Variants in DOCK2 observed in about 807,000 individuals in gnomAD.
The protein encoded by DOCK2 is dedicator of cytokinesis 2.
In DOCK2, 87 loss-of-function variants were observed where a neutral mutation model predicts 248.9. The observed-to-expected ratio is 0.35, with a 90% confidence interval of 0.29 to 0.42. The LOEUF is 0.42. Among genes scored for constraint, DOCK2 ranks in the 10% least tolerant of loss-of-function variants. The pLI, the probability that DOCK2 is intolerant of heterozygous loss-of-function variation, is 1.00. For missense variants in DOCK2, 1,747 were observed against 2,300.2 expected (o/e 0.76, Z 4.92); for synonymous variants, 805 against 821.6 (o/e 0.98, Z 0.35).
intron 25 of DOCK2, among the ~76,000 whole-genome samples, chr5:169,802,137 T>C (rs1767036326): frequency 6.6e-6 from 1 of 152,114 alleles, no homozygotes; most frequent in Non-Finnish European, 1.5e-5. Flanking sequence ...TCAAGAGACA[T>C]ACCCTTCTCT....
chr5:170,048,733 G>A (rs984320028), intron 40 of DOCK2, among the ~76,000 whole-genome samples: 40 of 152,178 alleles, frequency 2.6e-4, no homozygotes, highest in Non-Finnish European at 7.3e-5. Context: ...AGGGTCTTGG[G>A]AACCTCAAGT....
chr5:169,880,214 G>A (rs1049954704), intron 27 of DOCK2, among the ~76,000 whole-genome samples: 9 of 152,186 alleles, frequency 5.9e-5, no homozygotes, highest in Non-Finnish European at 1.2e-4. Flanking sequence ...CAGTCCTGAC[G>A]CTTCTGTTAT....
At chr5:169,675,118 G>A (rs1214219973) in intron 6 of DOCK2, among the ~76,000 whole-genome samples, 3 of 152,084 alleles carry the variant, frequency 2.0e-5, no homozygotes, top group Non-Finnish European at 4.4e-5. Context: ...ACTTTTTTCC[G>A]ATAAAGAAAC....
intron 27 of DOCK2, among the ~76,000 whole-genome samples, chr5:169,938,462 T>C (rs766821485): frequency 3.9e-5 from 6 of 152,202 alleles, no homozygotes; most frequent in Non-Finnish European, 7.3e-5. Flanking sequence ...AGCATGTTAC[T>C]CTCCCGAATA....
chr5:169,674,309 G>A lies in DOCK2; in HGVS notation c.334G>A (p.Glu112Lys). The A allele has an allele frequency of 6.2e-7, 1 of 1,613,996 alleles. No homozygotes were observed. Among genetic ancestry groups the A allele is most frequent in the Non-Finnish European group, 8.5e-7 (1 of 1,179,980 alleles). Residue 112 changes from glutamate (E) to lysine (K), a missense_variant, in exon 6 of 52, where the codon GAG (glutamate) becomes AAG (lysine). Glu to Lys is a moderately conservative substitution (Grantham distance 56, BLOSUM62 1). This residue lies in a region of DOCK2 where 375 missense variants were observed against 510.9 expected (regional missense o/e 0.73). Coordinates refer to ENST00000520908, the MANE Select transcript of DOCK2 (RefSeq NM_004946.3). ...TCTTGTCTCCTAGGCCAGCAAAAAG[G>A]AGCGTTTTCTCCAGGTGCAGTCCAT... The part of the protein sequence containing the change: ...WKQLYVASKK[E>K]RFLQVQSMMY...
chr5:169,882,710 T>C (rs1246229189), intron 27 of DOCK2: 1 of 1,551,946 alleles, frequency 6.4e-7, no homozygotes, highest in Non-Finnish European at 8.7e-7. Flanking sequence ...TTAATGTCAC[T>C]AATCTCCCTG....
chr5:170,008,229 A>ACAACAAC (rs752091415), intron 30 of DOCK2, among the ~76,000 whole-genome samples: 5 of 139,486 alleles, frequency 3.6e-5, no homozygotes, highest in East Asian at 2.0e-4. Context: ...CAACAACAAA[A>ACAACAAC]AAAAAAAAAC....
At chr5:170,014,152 G>A (rs1258818911) in intron 32 of DOCK2, among the ~76,000 whole-genome samples, 3 of 152,096 alleles carry the variant, frequency 2.0e-5, no homozygotes, top group African/African-American at 4.8e-5. Context: ...ATGGCTTCCT[G>A]GGGTTGGGGA....
At chr5:170,050,962 A>G (rs1243441193) in intron 41 of DOCK2, among the ~76,000 whole-genome samples, 1 of 152,204 alleles carries the variant, frequency 6.6e-6, no homozygotes, top group Non-Finnish European at 1.5e-5. Flanking sequence ...CTTACAGTGT[A>G]GCAAGTAAAA....
chr5:169,777,233 T>G (rs1471345707), intron 25 of DOCK2, among the ~76,000 whole-genome samples: 2 of 152,164 alleles, frequency 1.3e-5, no homozygotes, highest in East Asian at 1.9e-4. Flanking sequence ...GAGCAGACTG[T>G]GTTGTCCTTG....
At chr5:169,668,109 A>G (rs1364441421) in intron 2 of DOCK2, among the ~76,000 whole-genome samples, 1 of 152,200 alleles carries the variant, frequency 6.6e-6, no homozygotes, top group East Asian at 1.9e-4. Context: ...AAGTCACTTA[A>G]CTTCTCTGTG....
intron 10 of DOCK2, among the ~76,000 whole-genome samples, chr5:169,697,977 T>C (rs1310547375): frequency 6.6e-6 from 1 of 152,220 alleles, no homozygotes; most frequent in Non-Finnish European, 1.5e-5. Flanking sequence ...TTTCATGAGA[T>C]TCTCAGATCC....
In DOCK2 at chr5:169,923,559, T is replaced by C. The variant is rs188637186; in HGVS notation, c.2800-59509T>C. ...CCAGAAATTTATCTGTAGGCCCATA[T>C]TCATTCCTTTTTGCACATTTCTATT... On this transcript the variant is annotated intron_variant, in intron 27 of 51. Transcript: ENST00000520908. Among the ~76,000 whole-genome samples the C allele has an allele frequency of 6.6e-5, 10 of 152,298 alleles. No homozygotes were observed. In the East Asian group the frequency reaches 1.9e-3, roughly 29 times the overall value.
chr5:169,882,785 T>C (rs1361788696), intron 27 of DOCK2: 1 of 1,551,642 alleles, frequency 6.4e-7, no homozygotes. Context: ...CCTGGACAAT[T>C]TGGAAACTCC....
chr5:169,778,591 A>G (rs76559426), intron 25 of DOCK2, among the ~76,000 whole-genome samples: 10,150 of 152,328 alleles, frequency 0.067, 522 homozygotes, highest in Admixed American at 0.16. Flanking sequence ...AATGAGACTG[A>G]TAAACAGTTG....
intron 26 of DOCK2, among the ~76,000 whole-genome samples, chr5:169,835,700 A>G (rs1719880472): frequency 6.6e-6 from 1 of 152,186 alleles, no homozygotes; most frequent in African/African-American, 2.4e-5. Flanking sequence ...GAGGTACAAA[A>G]GTTCCTCTGG....
chr5:170,056,402 G>A (rs1045138206), intron 42 of DOCK2: 2 of 299,680 alleles, frequency 6.7e-6, no homozygotes, highest in Non-Finnish European at 1.2e-5. Context: ...CATGACCTAG[G>A]CCATCAATGT....
chr5:169,725,161 G>A (rs968152818), intron 22 of DOCK2, among the ~76,000 whole-genome samples: 11 of 152,186 alleles, frequency 7.2e-5, no homozygotes, highest in Non-Finnish European at 1.5e-4. Context: ...TTATTTCTGT[G>A]TAAGCCTCTG....
At chr5:169,936,658 C>G (rs1238348070) in intron 27 of DOCK2, among the ~76,000 whole-genome samples, 1 of 142,296 alleles carries the variant, frequency 7.0e-6, no homozygotes, top group Non-Finnish European at 1.5e-5. Context: ...TGATCCATTA[C>G]AGAATCTAGC....
Sources: gnomAD v4.1 joint callset for allele counts (sites outside exome capture counted in the v4.1 genomes callset) on GRCh38, gnomAD v4.1.1 for gene constraint, gnomAD v4.1.1 regional missense constraint, MANE v1.5 for transcripts, NCBI Gene and HGNC (gene_info 2026-07-23, HGNC 2026-07-21) for gene names.